The following COL22A1 variants were observed in gnomAD, a reference collection of about 807,000 sequenced individuals.
COL22A1 encodes the protein collagen type XXII alpha 1 chain.
A neutral mutation model predicts 248.9 loss-of-function variants in COL22A1; 221 were observed. That is an observed-to-expected ratio of 0.89 (90% CI 0.80 to 0.99). COL22A1 has a LOEUF of 0.99. Among genes scored for constraint, COL22A1 ranks in the 50% least tolerant of loss-of-function variants. The probability of loss-of-function intolerance (pLI) is 0.00; values close to 1 mark genes in which losing one functional copy is unlikely to be tolerated. For synonymous variants in COL22A1, 891 were observed against 793.4 expected (o/e 1.12, Z -2.07); for missense variants, 2,240 against 2,179.0 (o/e 1.03, Z -0.56).
intron 11 of COL22A1, among the ~76,000 whole-genome samples, chr8:138,802,056 T>C (rs1440770471): frequency 6.6e-6 from 1 of 152,202 alleles, no homozygotes; most frequent in African/African-American, 2.4e-5. Context: ...CTGCACTCAC[T>C]ACTGTTCTAA....
chr8:138,855,233 C>T (rs1412270044), intron 3 of COL22A1, among the ~76,000 whole-genome samples: 1 of 152,232 alleles, frequency 6.6e-6, no homozygotes, highest in Non-Finnish European at 1.5e-5. Context: ...ATTCACTTTG[C>T]ATACATATCA....
chr8:138,825,703 G>A (rs1819526420), intron 6 of COL22A1: 1 of 152,190 alleles, frequency 6.6e-6, no homozygotes, highest in African/African-American at 2.4e-5. Flanking sequence ...CCATGAGTGT[G>A]ACTGCTGGAG....
chr8:138,664,258 G>T (rs1041280304), intron 41 of COL22A1, among the ~76,000 whole-genome samples: 2 of 123,022 alleles, frequency 1.6e-5, no homozygotes, highest in African/African-American at 6.1e-5. Context: ...CACACACACA[G>T]ATACAGACAC....
rs943990697 is a variant in COL22A1 at position 138,775,983 on chromosome 8, C to T, written c.1786G>A (p.Gly596Arg). 6.2e-7 allele frequency: 1 copy of T among 1,613,526 alleles called. No homozygotes were observed. The highest frequency in any genetic ancestry group is 1.3e-5 in the African/African-American group (1 of 75,032). Reference protein sequence around the residue: ...PGLQGERGEKGTRGEKGERGL... With the variant: ...PGLQGERGEKRTRGEKGERGL... ...ATAAATACCTTTTCTCCTCGAGTTC[C>T]CTTTTCACCTCGTTCTCCTTGGAGA... The change falls in exon 16 of 65, where the codon GGA becomes AGA. Residue 596 changes from glycine (G) to arginine (R), a missense_variant. Gly to Arg is a moderately radical substitution (Grantham distance 125, BLOSUM62 -2). Coordinates refer to ENST00000303045, the MANE Select transcript of COL22A1 (RefSeq NM_152888.3).
Position 138,821,313 on chromosome 8 carries a change from G to T in COL22A1, c.1068C>A (p.Val356=). ...AVRVVFRGSR[V]NDLFDRDWHK... is the part of the protein sequence containing the mutation. ...GCCAGTCCCGGTCAAAGAGGTCATT[G>T]ACCCGAGAACCTCGGAAGACCACCC... The change falls in exon 7 of 65, where the codon GTC becomes GTA. Residue 356 remains valine, a synonymous_variant. Transcript: ENST00000303045. 1.9e-6 allele frequency: 3 copies of T among 1,614,170 alleles called. No individual in the cohort carries two copies. The highest frequency in any genetic ancestry group is 2.5e-6 in the Non-Finnish European group (3 of 1,180,034).
At chr8:138,764,910 C>T (rs553458688) in intron 16 of COL22A1, among the ~76,000 whole-genome samples, 3 of 152,158 alleles carry the variant, frequency 2.0e-5, no homozygotes, top group Non-Finnish European at 4.4e-5. Flanking sequence ...GAGCCGAGAT[C>T]GTGCCACTGC....
intron 45 of COL22A1, among the ~76,000 whole-genome samples, chr8:138,651,726 C>G (rs73445452): frequency 6.6e-6 from 1 of 151,896 alleles, no homozygotes; most frequent in Admixed American, 6.6e-5. Flanking sequence ...GATGGATGCA[C>G]GGATGGATGG....
intron 60 of COL22A1, among the ~76,000 whole-genome samples, chr8:138,601,306 C>T (rs549135212): frequency 6.6e-6 from 1 of 152,204 alleles, no homozygotes; most frequent in African/African-American, 2.4e-5. Context: ...GGGGGAGAAT[C>T]CCTGAGACTC....
Position 138,782,236 on chromosome 8 carries a change from T to C in COL22A1, c.1597-1256A>G, listed in dbSNP as rs192741702. ...CTTCCTGGCTGTGAGACCTTTTCTT[T>C]GAGACATGGTCTTGTTCTTTCACTC... On this transcript the variant is annotated intron_variant, in intron 12 of 64. Coordinates refer to ENST00000303045, the MANE Select transcript of COL22A1 (RefSeq NM_152888.3). 6.6e-5 allele frequency among the ~76,000 whole-genome samples: 10 copies of C among 151,904 alleles called. No individual in the cohort carries two copies. The East Asian group carries it at 1.4e-3, about 21-fold the overall frequency.
At chr8:138,613,809 A>G (rs2131895557) in intron 56 of COL22A1, 58 bp downstream of exon 56, 3 of 1,405,956 alleles carry the variant, frequency 2.1e-6, no homozygotes, top group South Asian at 2.3e-5. Flanking sequence ...ACTAAATATC[A>G]TTGTGGTAAA....
At chr8:138,691,965 CATGTGTGGAGGTGT>C (rs1230403736) in intron 35 of COL22A1, among the ~76,000 whole-genome samples, 1 of 87,804 alleles carries the variant, frequency 1.1e-5, no homozygotes, top group Non-Finnish European at 2.7e-5. Flanking sequence ...TGTGGAGGTG[CATGTGTGGAGGTGT>C]GTGTATGTGT....
rs1282738593 is a variant in COL22A1 at position 138,833,168 on chromosome 8, C to G, written c.734-18G>C. On this transcript the variant is annotated intron_variant, in intron 4 of 64. Transcript: ENST00000303045. ...GTCAAAACCTGTACAAAGAGAAGAG[C>G]TGGGAGTGAGTTTGGAGAAGGAAGA... The G allele has an allele frequency of 1.3e-6, 2 of 1,551,772 alleles. No homozygotes were observed. Among genetic ancestry groups the G allele is most frequent in the African/African-American group, 1.4e-5 (1 of 73,894 alleles).
chr8:138,713,111 T>C (rs1476577624), intron 30 of COL22A1, among the ~76,000 whole-genome samples: 1 of 152,196 alleles, frequency 6.6e-6, no homozygotes, highest in Admixed American at 6.5e-5. Context: ...TCTGTAAGCC[T>C]GGGCAGAAAA....
chr8:138,821,189 T>C lies in COL22A1; in HGVS notation c.1192A>G (p.Ile398Val), dbSNP rs778783878. Residue 398 changes from isoleucine to valine, a missense_variant, in exon 7 of 65, where the codon ATC becomes GTC. Physicochemically the swap from Ile to Val is conservative, Grantham distance 29. Transcript: ENST00000303045. The part of the protein sequence containing the change: ...LPIEERENID[I>V]QGKTVIGKRL... ...TTGCCAATCACAGTCTTGCCCTGGA[T>C]GTCAATGTTCTCCCGTTCCTCGATG... 21 of 1,614,188 alleles carry C rather than the reference T, an allele frequency of 1.3e-5. No individual in the cohort carries two copies. Among genetic ancestry groups the C allele is most frequent in the Non-Finnish European group, 1.8e-5 (21 of 1,180,026 alleles).
chr8:138,703,832 C>G (rs1188213877), intron 30 of COL22A1, among the ~76,000 whole-genome samples: 2 of 152,150 alleles, frequency 1.3e-5, no homozygotes, highest in Non-Finnish European at 2.9e-5. Context: ...AGGGCATTGC[C>G]TCACCCAGGA....
intron 55 of COL22A1, among the ~76,000 whole-genome samples, chr8:138,615,727 T>G (rs1819263088): frequency 6.6e-6 from 1 of 151,936 alleles, no homozygotes; most frequent in African/African-American, 2.4e-5. Flanking sequence ...GCCTCTCAAG[T>G]CCATTTAAGG....
chr8:138,718,073 C>G (rs919946416), intron 27 of COL22A1, among the ~76,000 whole-genome samples: 3 of 151,924 alleles, frequency 2.0e-5, no homozygotes, highest in African/African-American at 7.3e-5. Flanking sequence ...CTATGCCAGA[C>G]TCAGTTGGTA....
chr8:138,839,613 G>A lies in COL22A1; in HGVS notation c.733+4471C>T, dbSNP rs1205894809. ...GGGAACTGGAGGGCAGAGATGAGGT[G>A]AGTGAGATGAGGGCAGGTGAGGAGG... On this transcript the variant is annotated intron_variant, in intron 4 of 64. Transcript: ENST00000303045. Among the ~76,000 whole-genome samples, 3 of 152,262 alleles carry A rather than the reference G, an allele frequency of 2.0e-5. No individual in the cohort carries two copies. In the East Asian group the frequency reaches 5.8e-4, roughly 29 times the overall value.
chr8:138,873,752 G>T (rs1051626665), intron 3 of COL22A1, among the ~76,000 whole-genome samples: 30 of 151,644 alleles, frequency 2.0e-4, no homozygotes, highest in Admixed American at 4.6e-4. Flanking sequence ...CTTGTTGAAT[G>T]AATGAATGAA....
Sources: gnomAD v4.1 joint callset for allele counts (sites outside exome capture counted in the v4.1 genomes callset) on GRCh38, gnomAD v4.1.1 for gene constraint, MANE v1.5 for transcripts, NCBI Gene and HGNC (gene_info 2026-07-23, HGNC 2026-07-21) for gene names.